RASA3: variants seen among roughly 807,000 people sequenced by gnomAD.
RASA3 encodes the protein ras GTPase-activating protein 3.
Under a neutral mutation model 110.0 loss-of-function variants are expected in RASA3, and 73 were observed. That is an observed-to-expected ratio of 0.66 (90% CI 0.55 to 0.81). The LOEUF is 0.81. Among genes scored for constraint, RASA3 ranks in the 30% least tolerant of loss-of-function variants. The probability of loss-of-function intolerance (pLI) is 0.00; values close to 1 mark genes in which losing one functional copy is unlikely to be tolerated. For synonymous variants in RASA3, 500 were observed against 451.4 expected (o/e 1.11, Z -1.37); for missense variants, 976 against 1,113.2 (o/e 0.88, Z 1.75).
At chr13:114,008,035 GCACCGC>G (rs2053556598) in intron 17 of RASA3, among the ~76,000 whole-genome samples, 2 of 8,032 alleles carry the variant, frequency 2.5e-4, no homozygotes, top group African/African-American at 4.5e-3. Context: ...TTCCCCCCAC[GCACCGC>G]GTTCCTGACT....
At chr13:114,090,167 G>A (rs371205487) in intron 1 of RASA3, among the ~76,000 whole-genome samples, 20 of 152,290 alleles carry the variant, frequency 1.3e-4, no homozygotes, top group African/African-American at 4.6e-4. Flanking sequence ...ATTTACCAAC[G>A]GGTGGGGCCG....
chr13:114,039,723 T>C (rs2054357082), intron 4 of RASA3, among the ~76,000 whole-genome samples: 1 of 152,158 alleles, frequency 6.6e-6, no homozygotes, highest in Admixed American at 6.5e-5. Flanking sequence ...GGAGCAGCTG[T>C]TGCCGGGCAG....
rs527691445 is a variant in RASA3, at chr13:114,010,662, C to T, written c.1590+509G>A. On this transcript the variant is annotated intron_variant, in intron 16 of 23. Transcript: ENST00000334062. ...GAGGAAGCGCCACGTGGGGAGGAGG[C>T]GGCTGCGTGGGGAGGGAAGTGGGGA... 3.3e-3 allele frequency among the ~76,000 whole-genome samples: 80 copies of T among 24,230 alleles called. 1 individual carries two copies. Among genetic ancestry groups the T allele is most frequent in the African/African-American group, 0.013 (74 of 5,508 alleles). 15.9% of individuals were successfully genotyped at this position (24,230 alleles called of 152,430 possible).
intron 22 of RASA3, among the ~76,000 whole-genome samples, chr13:113,984,429 C>T (rs2053004436): frequency 5.4e-5 from 4 of 74,558 alleles, no homozygotes; most frequent in Admixed American, 1.4e-4. Flanking sequence ...TCCATGAACT[C>T]AACACTCATC....
intron 19 of RASA3, 104 bp downstream of exon 19, chr13:114,000,722 C>A: frequency 1.1e-6 from 1 of 885,066 alleles, no homozygotes; most frequent in South Asian, 1.4e-5. Flanking sequence ...CTGCCCGCAG[C>A]ACTGAATCCT....
intron 7 of RASA3, among the ~76,000 whole-genome samples, chr13:114,025,725 C>A (rs2054013402): frequency 6.6e-6 from 1 of 152,238 alleles, no homozygotes; most frequent in African/African-American, 2.4e-5. Flanking sequence ...GTTAAAGGGT[C>A]TTAATGTGTC....
intron 1 of RASA3, among the ~76,000 whole-genome samples, chr13:114,128,596 T>C (rs549669261): frequency 2.0e-5 from 3 of 152,338 alleles, no homozygotes; most frequent in East Asian, 1.9e-4. Flanking sequence ...AGGAGAGGGA[T>C]AGCTGGGGCT....
At chr13:114,049,407 A>G (rs1314753674) in intron 3 of RASA3, among the ~76,000 whole-genome samples, 1 of 152,202 alleles carries the variant, frequency 6.6e-6, no homozygotes, top group Non-Finnish European at 1.5e-5. Context: ...AGCCACCAAG[A>G]ACTACTAGCA....
chr13:114,028,830 CATCATCCT>C (rs2054088677), intron 5 of RASA3, among the ~76,000 whole-genome samples: 1 of 52,720 alleles, frequency 1.9e-5, no homozygotes, highest in Non-Finnish European at 3.1e-5. Context: ...TCTAAAACGG[CATCATCCT>C]GGGGGCCAGG....
At chr13:114,109,848 C>T (rs954588197) in intron 1 of RASA3, among the ~76,000 whole-genome samples, 6 of 152,188 alleles carry the variant, frequency 3.9e-5, no homozygotes, top group African/African-American at 9.7e-5. Context: ...GGTGGCCTCG[C>T]GGCGGCACGA....
At chr13:114,047,052 A>C (rs1450909927) in intron 3 of RASA3, among the ~76,000 whole-genome samples, 1 of 152,220 alleles carries the variant, frequency 6.6e-6, no homozygotes. Context: ...CAAATCATAC[A>C]AGAAAAAAAT....
At chr13:113,979,518 C>T (rs1287192009) in intron 23 of RASA3, 96 bp from the exon 24 acceptor site, 12 of 967,906 alleles carry the variant, frequency 1.2e-5, no homozygotes, top group Non-Finnish European at 1.8e-5. Context: ...AAATGTGACA[C>T]ACTCACACTG....
At position 114,052,117 on chromosome 13, in the gene RASA3, C is replaced by T. The variant is rs766568683; in HGVS notation, c.212G>A (p.Arg71Gln). Residue 71 changes from arginine to glutamine, a missense_variant, in exon 3 of 24, where the codon CGG becomes CAG. Arg to Gln is a conservative substitution (Grantham distance 43). Coordinates refer to ENST00000334062, the MANE Select transcript of RASA3 (RefSeq NM_007368.4). ...YGEDFYCEIP[R>Q]SFRHLSFYIF... ...GTAGAAGGACAGGTGACGAAAGCTC[C>T]GAGGAATTTCACAGTAAAAGTCTTC... The T allele has an allele frequency of 5.4e-5, 87 of 1,613,300 alleles. No individual in the cohort carries two copies. The highest frequency in any genetic ancestry group is 3.7e-4 in the Admixed American group (22 of 59,986).
intron 2 of RASA3, among the ~76,000 whole-genome samples, chr13:114,073,211 C>A (rs71449060): frequency 6.7e-6 from 1 of 149,616 alleles, no homozygotes; most frequent in South Asian, 2.1e-4. Context: ...GTGACGTACA[C>A]GCTCGGGACA....
chr13:113,991,856 A>G lies in RASA3; in HGVS notation c.2245+629T>C, dbSNP rs547777077. ...TGCCCTCATGTTTCCACACATGCAC[A>G]AATTCATGCATGCTCACGTGTCCCC... On this transcript the variant is annotated intron_variant, in intron 22 of 23. Transcript: ENST00000334062. Among the ~76,000 whole-genome samples, 6 of 152,312 alleles carry G rather than the reference A, an allele frequency of 3.9e-5. No individual in the cohort carries two copies. The East Asian group carries it at 7.7e-4, about 20-fold the overall frequency.
At chr13:114,079,054 C>T (rs1217682468) in intron 1 of RASA3, among the ~76,000 whole-genome samples, 6 of 152,232 alleles carry the variant, frequency 3.9e-5, no homozygotes, top group African/African-American at 1.4e-4. Flanking sequence ...AGGCGCTCAG[C>T]AGCTCAGCTC....
intron 1 of RASA3, among the ~76,000 whole-genome samples, chr13:114,081,619 TA>T (rs1334841697): frequency 1.3e-5 from 2 of 152,018 alleles, no homozygotes; most frequent in Non-Finnish European, 1.5e-5. Flanking sequence ...AAACAGGTAA[TA>T]AAATATGGGA....
At chr13:114,072,020 C>T (rs960557544) in intron 2 of RASA3, among the ~76,000 whole-genome samples, 5 of 152,192 alleles carry the variant, frequency 3.3e-5, no homozygotes, top group Non-Finnish European at 7.3e-5. Flanking sequence ...CTCTGATCCC[C>T]AAGCCGCTCC....
intron 1 of RASA3, 136 bp downstream of exon 1, chr13:114,132,299 T>G: frequency 1.1e-6 from 1 of 944,100 alleles, no homozygotes; most frequent in Non-Finnish European, 1.4e-6. Flanking sequence ...GGACCAGCCG[T>G]TCTCCGGGGA....
Sources: allele counts gnomAD v4.1 joint callset (sites outside exome capture counted in the v4.1 genomes callset), GRCh38; gene constraint gnomAD v4.1.1; transcripts MANE v1.5; gene names NCBI Gene and HGNC (gene_info 2026-07-23, HGNC 2026-07-21).